SLC1A3: variants seen among roughly 807,000 people sequenced by gnomAD.
SLC1A3 encodes solute carrier family 1 member 3, also known as excitatory amino acid transporter 1.
SLC1A3 carries 21 observed loss-of-function variants against 48.1 expected under a neutral mutation model. The ratio of observed to expected loss-of-function variants is 0.44; its 90% CI spans 0.31 to 0.63. The LOEUF is 0.63. SLC1A3 is among the 20% of genes least tolerant of loss of function. The pLI, the probability that SLC1A3 is intolerant of heterozygous loss-of-function variation, is 0.08. For synonymous variants in SLC1A3, 239 were observed against 251.4 expected, an observed-to-expected ratio of 0.95 and a Z score of 0.47; for missense variants, 546 against 689.0, an observed-to-expected ratio of 0.79 and a Z score of 2.32.
At chr5:36,651,141 TAAAA>T (rs58660599) in intron 3 of SLC1A3, among the ~76,000 whole-genome samples, 53,342 of 114,600 alleles carry the variant, frequency 0.47, 13,339 homozygotes, top group South Asian at 0.64. Context: ...AAGTTTTTTT[TAAAA>T]AAAAAAAAAA....
At chr5:36,631,368 C>T (rs1203291373) in intron 3 of SLC1A3, among the ~76,000 whole-genome samples, 2 of 152,066 alleles carry the variant, frequency 1.3e-5, no homozygotes, top group Non-Finnish European at 2.9e-5. Flanking sequence ...TTTCTTAATA[C>T]CTAATAACAA....
intron 3 of SLC1A3, among the ~76,000 whole-genome samples, chr5:36,655,898 A>G (rs1741265360): frequency 6.6e-6 from 1 of 152,170 alleles, no homozygotes; most frequent in African/African-American, 2.4e-5. Flanking sequence ...TTGCATTAAG[A>G]TGAGTGCAAG....
chr5:36,638,056 C>T (rs761118602), intron 3 of SLC1A3, among the ~76,000 whole-genome samples: 1 of 152,112 alleles, frequency 6.6e-6, no homozygotes, highest in African/African-American at 2.4e-5. Context: ...TTAGTTGATA[C>T]CTTTATTAGT....
intron 3 of SLC1A3, among the ~76,000 whole-genome samples, chr5:36,663,062 T>C (rs1280818464): frequency 2.0e-5 from 3 of 152,232 alleles, no homozygotes; most frequent in African/African-American, 7.2e-5. Context: ...AGGGATTGTC[T>C]GCTTAGTCCT....
At chr5:36,649,907 C>A (rs531030235) in intron 3 of SLC1A3, among the ~76,000 whole-genome samples, 4 of 152,320 alleles carry the variant, frequency 2.6e-5, no homozygotes, top group Non-Finnish European at 2.9e-5. Flanking sequence ...TGAGATGGGC[C>A]TTCCCCATTG....
At chr5:36,613,035 C>A in intron 2 of SLC1A3, 1 of 342,162 alleles carries the variant, frequency 2.9e-6, no homozygotes. Flanking sequence ...GGCAGAGTGG[C>A]TGATGATGCC....
chr5:36,608,458 G>C lies in SLC1A3; in HGVS notation c.35G>C (p.Gly12Ala), dbSNP rs758393528. 26 of 1,613,932 alleles carry C rather than the reference G, an allele frequency of 1.6e-5. No homozygotes were observed. The Admixed American group carries it at 3.5e-4, about 22-fold the overall frequency. Reference sequence around the variant, plus strand: ...AGCAATGGAGAAGAGCCCAAGATGGGGGGCAGGATGGAGAGATTCCAGCAG... The same window carrying C: ...AGCAATGGAGAAGAGCCCAAGATGGCGGGCAGGATGGAGAGATTCCAGCAG... The part of the protein sequence containing the change: ...TKSNGEEPKM[G>A]GRMERFQQGV... The change falls in exon 2 of 10, where the codon GGG becomes GCG. Residue 12 changes from glycine (G) to alanine (A), a missense_variant. Around this residue, in one of 3 missense-constraint regions of SLC1A3, gnomAD observed 348 missense variants for 392.0 expected, o/e 0.89. Transcript: ENST00000265113.
chr5:36,675,383 C>T (rs915464197), intron 5 of SLC1A3, among the ~76,000 whole-genome samples: 1 of 152,180 alleles, frequency 6.6e-6, no homozygotes, highest in Non-Finnish European at 1.5e-5. Context: ...TCCAGTAAGT[C>T]AGCTGGCCCT....
chr5:36,679,139 G>A (rs1356158792), intron 6 of SLC1A3, among the ~76,000 whole-genome samples: 1 of 152,102 alleles, frequency 6.6e-6, no homozygotes, highest in East Asian at 1.9e-4. Flanking sequence ...CTTTAACTTG[G>A]GAATCAGGCT....
chr5:36,674,033 A>G lies in SLC1A3; in HGVS notation c.525-16A>G, dbSNP rs1334853759. On this transcript the variant is annotated splice_polypyrimidine_tract_variant and intron_variant, in intron 4 of 9. Transcript: ENST00000265113. ...TACTTGGAAAATTTTGCAAGTGACTATTACTTTCTTTGCAGGAACATGTTC... is the reference window on the plus strand; with the variant it reads ...TACTTGGAAAATTTTGCAAGTGACTGTTACTTTCTTTGCAGGAACATGTTC... The G allele has an allele frequency of 2.5e-6, 4 of 1,611,642 alleles. No homozygotes were observed. Among genetic ancestry groups the G allele is most frequent in the Non-Finnish European group, 1.7e-6 (2 of 1,177,860 alleles).
chr5:36,603,132 G>A (rs1738826979), upstream of SLC1A3, among the ~76,000 whole-genome samples: 1 of 152,190 alleles, frequency 6.6e-6, no homozygotes, highest in Non-Finnish European at 1.5e-5. Flanking sequence ...CATTGACTAG[G>A]AGTGGAGTTC....
intron 1 of SLC1A3, among the ~76,000 whole-genome samples, chr5:36,599,199 C>G (rs925074780): frequency 5.3e-5 from 8 of 152,200 alleles, no homozygotes; most frequent in Non-Finnish European, 1.0e-4. Flanking sequence ...TAAATGAATA[C>G]TATCATTCCC....
intron 2 of SLC1A3, among the ~76,000 whole-genome samples, chr5:36,616,839 G>A (rs888783418): frequency 2.6e-5 from 4 of 152,210 alleles, no homozygotes; most frequent in African/African-American, 7.2e-5. Flanking sequence ...ACATCAAGAA[G>A]GAAATTATGA....
In SLC1A3 at chr5:36,651,141, T is replaced by TAAAAA. The variant is rs58660599; in HGVS notation, c.320-19867_320-19863dup. On this transcript the variant is annotated intron_variant, in intron 3 of 9. Coordinates refer to ENST00000265113, the MANE Select transcript of SLC1A3 (RefSeq NM_004172.5). The stretch of plus-strand genomic sequence containing the variant: ...AAGAGTAGGGAAACTAAGTTTTTTT[T>TAAAAA]AAAAAAAAAAAAAAAAAAAAAAAAA... Among the ~76,000 whole-genome samples the TAAAAA allele has an allele frequency of 1.6e-4, 18 of 114,576 alleles. No homozygotes were observed. The East Asian group carries it at 4.5e-3, about 28-fold the overall frequency. 75.2% of individuals were successfully genotyped at this position (114,576 alleles called of 152,430 possible). A position where few individuals can be genotyped will look rare whatever the true frequency, so the allele number is the denominator to read the frequency against.
intron 9 of SLC1A3, 62 bp downstream of exon 9, chr5:36,684,060 G>T: frequency 6.3e-7 from 1 of 1,599,690 alleles, no homozygotes; most frequent in Non-Finnish European, 8.6e-7. Flanking sequence ...TCACTCTAGG[G>T]CACCAGGCAG....
At chr5:36,603,917 CA>C (rs200523352), upstream of SLC1A3, among the ~76,000 whole-genome samples, 5 of 151,418 alleles carry the variant, frequency 3.3e-5, no homozygotes, top group Admixed American at 6.6e-5. Context: ...TTTTGTTGCT[CA>C]AAAAAAAATC....
At position 36,596,726 on chromosome 5, in the gene SLC1A3, A is replaced by G. The variant is rs1409259807; in HGVS notation, c.-96+48A>G. On this transcript the variant is annotated intron_variant, in intron 1 of 9. Coordinates refer to the SLC1A3 transcript ENST00000680318. ...CATTTGAAAAACAGCAAACATCTAA[A>G]AAGAGTTTCCCTAATAAAATTATTC... Among the ~76,000 whole-genome samples the G allele has an allele frequency of 3.3e-5, 5 of 152,162 alleles. No individual in the cohort carries two copies. The East Asian group carries it at 9.6e-4, about 29-fold the overall frequency.
intron 2 of SLC1A3, among the ~76,000 whole-genome samples, chr5:36,628,583 G>A (rs1343946106): frequency 6.6e-6 from 1 of 152,114 alleles, no homozygotes; most frequent in East Asian, 1.9e-4. Context: ...ATTTTCTTTG[G>A]CAAGGAAAGT....
upstream of SLC1A3, among the ~76,000 whole-genome samples, chr5:36,602,929 T>C (rs144610097): frequency 6.6e-6 from 1 of 152,216 alleles, no homozygotes; most frequent in Non-Finnish European, 1.5e-5. Flanking sequence ...CTTGGCTCAG[T>C]GTCAGCCGAC....
Sources: allele counts gnomAD v4.1 joint callset (sites outside exome capture counted in the v4.1 genomes callset), GRCh38; gene constraint gnomAD v4.1.1; regional missense constraint gnomAD v4.1.1; transcripts MANE v1.5; gene names NCBI Gene and HGNC (gene_info 2026-07-23, HGNC 2026-07-21).